The following USP15 variants were observed in gnomAD, a reference collection of about 807,000 sequenced individuals.
USP15 encodes ubiquitin carboxyl-terminal hydrolase 15.
Under a neutral mutation model 127.1 loss-of-function variants are expected in USP15, and 18 were observed. That is an observed-to-expected ratio of 0.14 (90% CI 0.10 to 0.21). The LOEUF (loss-of-function observed/expected upper bound fraction) is 0.21. Ranked by LOEUF, USP15 falls within the 10% of genes least tolerant of loss-of-function variation. The pLI, the probability that USP15 is intolerant of heterozygous loss-of-function variation, is 1.00. For synonymous variants in USP15, 364 were observed against 393.7 expected (o/e 0.92, Z 0.89); for missense variants, 805 against 1,159.9 (o/e 0.69, Z 4.44).
chr12:62,387,834 T>C (rs1462740673), intron 11 of USP15, among the ~76,000 whole-genome samples: 3 of 152,158 alleles, frequency 2.0e-5, no homozygotes, highest in African/African-American at 7.2e-5. Flanking sequence ...AGAGTTGAGA[T>C]AAAATGGAAG....
chr12:62,372,294 G>A (rs140607961), intron 8 of USP15, among the ~76,000 whole-genome samples: 162 of 152,098 alleles, frequency 1.1e-3, no homozygotes, highest in African/African-American at 1.4e-3. Flanking sequence ...AAATGCAGTC[G>A]ATCTGATAGC....
chr12:62,400,037 A>G (rs1431270440), intron 20 of USP15, among the ~76,000 whole-genome samples: 1 of 152,164 alleles, frequency 6.6e-6, no homozygotes, highest in Non-Finnish European at 1.5e-5. Flanking sequence ...GGGAAGAATA[A>G]TTACTTTAGG....
intron 6 of USP15, among the ~76,000 whole-genome samples, chr12:62,341,344 A>G (rs1054884998): frequency 8.6e-5 from 13 of 152,034 alleles, no homozygotes; most frequent in Non-Finnish European, 1.6e-4. Flanking sequence ...TTGCCAGTCT[A>G]TGTCTTTTAA....
At chr12:62,354,480 T>C (rs1565881143) in intron 7 of USP15, among the ~76,000 whole-genome samples, 1 of 151,926 alleles carries the variant, frequency 6.6e-6, no homozygotes, top group African/African-American at 2.4e-5. Context: ...ATACATATTT[T>C]ATAAGATAAC....
At chr12:62,361,220 A>T (rs2137475009) in intron 8 of USP15, among the ~76,000 whole-genome samples, 1 of 152,172 alleles carries the variant, frequency 6.6e-6, no homozygotes, top group South Asian at 2.1e-4. Flanking sequence ...CACTTGTGTA[A>T]CTTGGCTAAT....
At chr12:62,347,854 C>T (rs1025898822) in intron 6 of USP15, among the ~76,000 whole-genome samples, 2 of 152,050 alleles carry the variant, frequency 1.3e-5, no homozygotes, top group Non-Finnish European at 2.9e-5. Flanking sequence ...AAAACAACCT[C>T]GTTGAAAAGA....
intron 8 of USP15, 147 bp downstream of exon 8, chr12:62,355,622 T>C (rs1174380194): frequency 6.0e-6 from 5 of 827,364 alleles, no homozygotes; most frequent in East Asian, 5.5e-5. Context: ...ATTTGACTTA[T>C]TCATTCTACT....
In USP15 at chr12:62,404,406, T is replaced by A; in HGVS notation, c.*31T>A. ...GTCCTAGAAGCCATAAAAGAGACAC[T>A]TTCCTGCTGGTGGTATCTATGGAAA... On this transcript the variant is annotated 3_prime_UTR_variant, in exon 22 of 22. Transcript: ENST00000280377. 6.5e-7 allele frequency: 1 copy of A among 1,532,050 alleles called. No homozygotes were observed. The highest frequency in any genetic ancestry group is 2.4e-5 in the East Asian group (1 of 42,398). 94.9% of individuals were successfully genotyped at this position (1,532,050 alleles called of 1,614,324 possible). A position where few individuals can be genotyped will look rare whatever the true frequency, so the allele number is the denominator to read the frequency against.
At chr12:62,340,158 C>G (rs1217176509) in intron 6 of USP15, among the ~76,000 whole-genome samples, 1 of 152,082 alleles carries the variant, frequency 6.6e-6, no homozygotes, top group African/African-American at 2.4e-5. Flanking sequence ...TCTAGATTTT[C>G]TAGTTTATTT....
chr12:62,308,740 C>T (rs1294344996), intron 3 of USP15, among the ~76,000 whole-genome samples: 1 of 152,070 alleles, frequency 6.6e-6, no homozygotes, highest in Non-Finnish European at 1.5e-5. Flanking sequence ...TGACCATATT[C>T]TGGGTTATCA....
In USP15 at chr12:62,389,598, C is replaced by T. The variant is rs2067258826; in HGVS notation, c.1558-7C>T. The T allele has an allele frequency of 1.2e-6, 2 of 1,610,988 alleles. No individual in the cohort carries two copies. The highest frequency in any genetic ancestry group is 1.7e-6 in the Non-Finnish European group (2 of 1,178,588). On this transcript the variant is annotated splice_polypyrimidine_tract_variant and splice_region_variant and intron_variant, in intron 12 of 21. Coordinates refer to ENST00000280377, the MANE Select transcript of USP15 (RefSeq NM_001252078.2). Reference sequence around the variant, plus strand: ...AACCAGCTTAATAGAAATTCGTTTCCTTTTAGATGATAGTTACTGATATAT... The same window carrying T: ...AACCAGCTTAATAGAAATTCGTTTCTTTTTAGATGATAGTTACTGATATAT...
At position 62,412,990 on chromosome 12, in the gene USP15, T is replaced by C. The variant is rs1160075211; in HGVS notation, c.*8615T>C. 2 of 152,206 alleles carry C rather than the reference T, an allele frequency of 1.3e-5. No homozygotes were observed. Among genetic ancestry groups the C allele is most frequent in the African/African-American group, 4.8e-5 (2 of 41,448 alleles). 9.4% of individuals were successfully genotyped at this position (152,206 alleles called of 1,614,324 possible). ...GAAAGCTTTTGCCTTATAAAATGTA[T>C]TTCTTGGATGATAAGACTTGAAAGC... is the stretch of plus-strand genomic sequence containing the variant. On this transcript the variant is annotated 3_prime_UTR_variant, in exon 22 of 22. Transcript: ENST00000280377.
chr12:62,372,320 G>T (rs2066699645), intron 8 of USP15, among the ~76,000 whole-genome samples: 1 of 152,042 alleles, frequency 6.6e-6, no homozygotes, highest in African/African-American at 2.4e-5. Context: ...AATTGAGCTG[G>T]CATGTTAGTC....
intron 21 of USP15, among the ~76,000 whole-genome samples, chr12:62,402,925 C>T (rs1213056598): frequency 6.6e-6 from 1 of 151,854 alleles, no homozygotes; most frequent in Non-Finnish European, 1.5e-5. Context: ...ACAATACAAA[C>T]AAGGGGAGAA....
At position 62,413,256 on chromosome 12, in the gene USP15, C is replaced by T. The variant is rs1041871389; in HGVS notation, c.*8881C>T. 1.1e-4 allele frequency: 16 copies of T among 152,080 alleles called. No homozygotes were observed. The highest frequency in any genetic ancestry group is 3.9e-4 in the African/African-American group (16 of 41,418). The allele number at this position is 152,080 out of a possible 1,614,324, so 9.4% of individuals were successfully genotyped here. A position where few individuals can be genotyped will look rare whatever the true frequency, so the allele number is the denominator to read the frequency against. On this transcript the variant is annotated 3_prime_UTR_variant, in exon 22 of 22. Coordinates refer to ENST00000280377, the MANE Select transcript of USP15 (RefSeq NM_001252078.2). ...AGGCTTTATGGTTCCTTTTATAGAG[C>T]AAAAACATTATATTTAGTTTAATTT...
chr12:62,296,699 A>C (rs1339197593), intron 2 of USP15, among the ~76,000 whole-genome samples: 1 of 152,062 alleles, frequency 6.6e-6, no homozygotes, highest in African/African-American at 2.4e-5. Context: ...AATTTGTAGT[A>C]CTCCAGATGA....
At chr12:62,280,189 TTAA>T (rs1445687367) in intron 1 of USP15, among the ~76,000 whole-genome samples, 2 of 152,102 alleles carry the variant, frequency 1.3e-5, no homozygotes, top group South Asian at 2.1e-4. Context: ...ATGTTAATAA[TTAA>T]TAATAAATTA....
chr12:62,397,935 T>G (rs1350658037), intron 20 of USP15, among the ~76,000 whole-genome samples: 1 of 151,634 alleles, frequency 6.6e-6, no homozygotes, highest in African/African-American at 2.4e-5. Context: ...TCTTATTAAA[T>G]TTTTATTTTT....
At position 62,294,312 on chromosome 12, in the gene USP15, T is replaced by C. The variant is rs1565826356; in HGVS notation, c.217+6T>C. 6.2e-7 allele frequency: 1 copy of C among 1,602,622 alleles called. No homozygotes were observed. Among genetic ancestry groups the C allele is most frequent in the South Asian group, 1.1e-5 (1 of 87,396 alleles). On this transcript the variant is annotated splice_donor_region_variant and intron_variant, in intron 2 of 21. Transcript: ENST00000280377. ...TAACTCTGGACTTCTCAAAGGTCAT[T>C]ATTTTCTTCCTTCAGTCAAGTTGTA... is the stretch of plus-strand genomic sequence containing the variant.
Sources: allele counts gnomAD v4.1 joint callset (sites outside exome capture counted in the v4.1 genomes callset), GRCh38; gene constraint gnomAD v4.1.1; transcripts MANE v1.5; gene names NCBI Gene and HGNC (gene_info 2026-07-23, HGNC 2026-07-21).